Variants in FZD3 observed in about 807,000 individuals in gnomAD.
The protein encoded by FZD3 is frizzled class receptor 3, also known as frizzled-3.
In FZD3, 30 loss-of-function variants were observed where a neutral mutation model predicts 60.7. The observed-to-expected ratio is 0.49, with a 90% CI of 0.37 to 0.67. FZD3 has a LOEUF of 0.67. FZD3 is among the 30% of genes least tolerant of loss of function. The pLI, the probability that FZD3 is intolerant of heterozygous loss-of-function variation, is 0.00. For missense variants in FZD3, 605 were observed against 838.7 expected (o/e 0.72, Z 3.44); for synonymous variants, 246 against 275.2 (o/e 0.89, Z 1.05).
chr8:28,545,081 C>G (rs1199831813), intron 5 of FZD3, among the ~76,000 whole-genome samples: 6 of 152,136 alleles, frequency 3.9e-5, no homozygotes, highest in Non-Finnish European at 5.9e-5. Flanking sequence ...CTTAAAGGCC[C>G]CACCTCTCAA....
intron 4 of FZD3, among the ~76,000 whole-genome samples, chr8:28,522,621 T>C (rs1338231430): frequency 3.3e-5 from 5 of 152,198 alleles, no homozygotes; most frequent in African/African-American, 4.8e-5. Context: ...GGTGTCTTTT[T>C]ATTTTAATAG....
intron 3 of FZD3, among the ~76,000 whole-genome samples, chr8:28,511,889 G>A (rs1030250898): frequency 1.3e-5 from 2 of 152,130 alleles, no homozygotes; most frequent in African/African-American, 4.8e-5. Context: ...ACCCGACACA[G>A]AACCTCACAC....
rs1298267303 is a variant in FZD3 at position 28,570,638 on chromosome 8, GA to G, written c.*7639del. 0.024 allele frequency: 3,244 copies of G among 136,652 alleles called. 104 individuals carry two copies. The highest frequency in any genetic ancestry group is 0.081 in the African/African-American group (2,929 of 36,338). 8.5% of individuals were successfully genotyped at this position (136,652 alleles called of 1,614,324 possible). A position where few individuals can be genotyped will look rare whatever the true frequency, so the allele number is the denominator to read the frequency against. On this transcript the variant is annotated 3_prime_UTR_variant, in exon 8 of 8. Transcript: ENST00000240093. The stretch of plus-strand genomic sequence containing the variant: ...AGACTCTATCTCAAAAAAAAAAAAA[GA>G]AAAAAAAAAAAGTAGAGATTGCATT...
intron 5 of FZD3, among the ~76,000 whole-genome samples, chr8:28,546,085 G>T (rs1445533316): frequency 6.6e-6 from 1 of 152,202 alleles, no homozygotes; most frequent in Non-Finnish European, 1.5e-5. Context: ...TGTGTAGTGG[G>T]CTATACCATC....
chr8:28,513,505 C>T (rs1245172692), intron 3 of FZD3, among the ~76,000 whole-genome samples: 1 of 152,054 alleles, frequency 6.6e-6, no homozygotes, highest in Admixed American at 6.6e-5. Flanking sequence ...GAAAATAAAC[C>T]TATGGGATTA....
At chr8:28,525,212 A>T (rs1314591657) in intron 4 of FZD3, among the ~76,000 whole-genome samples, 1 of 152,174 alleles carries the variant, frequency 6.6e-6, no homozygotes, top group Non-Finnish European at 1.5e-5. Flanking sequence ...ACTATTCTAG[A>T]TGTCGAAGAT....
chr8:28,553,300 CACCAACT>C (rs1490139934), intron 6 of FZD3, among the ~76,000 whole-genome samples: 6 of 152,302 alleles, frequency 3.9e-5, no homozygotes, highest in Admixed American at 3.9e-4. Context: ...TACTATGTGC[CACCAACT>C]ACTTTTGGAT....
In FZD3 at chr8:28,546,577, A is replaced by T. The variant is rs190143385; in HGVS notation, c.1405-5026A>T. 2.0e-5 allele frequency among the ~76,000 whole-genome samples: 3 copies of T among 152,316 alleles called. No homozygotes were observed. In the East Asian group the frequency reaches 5.8e-4, roughly 29 times the overall value. On this transcript the variant is annotated intron_variant, in intron 5 of 7. Coordinates refer to ENST00000240093, the MANE Select transcript of FZD3 (RefSeq NM_017412.4). The stretch of plus-strand genomic sequence containing the variant: ...ATTGCTAGGTTATACCAATTTACCA[A>T]CAGTGAGGGTGTTTCCCAATGCCCC...
intron 5 of FZD3, among the ~76,000 whole-genome samples, chr8:28,535,287 TGTG>T (rs1040378130): frequency 6.6e-6 from 1 of 152,198 alleles, no homozygotes; most frequent in Non-Finnish European, 1.5e-5. Context: ...ACAGAAAAAT[TGTG>T]ATGATAACAC....
chr8:28,569,738 A>T lies in FZD3; in HGVS notation c.*6727A>T, dbSNP rs532083756. 1.3e-4 allele frequency: 20 copies of T among 152,336 alleles called. No homozygotes were observed. Among genetic ancestry groups the T allele is most frequent in the East Asian group, 7.7e-4 (4 of 5,192 alleles). 9.4% of individuals were successfully genotyped at this position (152,336 alleles called of 1,614,324 possible). On this transcript the variant is annotated 3_prime_UTR_variant, in exon 8 of 8. Transcript: ENST00000240093. ...TGAAAGAAAGTTATAAATATTGGAC[A>T]TGGCTTTTTTAAATGGGAAAGTCTT...
At chr8:28,502,541 A>T (rs1804023237) in intron 2 of FZD3, 129 bp from the exon 3 acceptor site, 1 of 152,284 alleles carries the variant, frequency 6.6e-6, no homozygotes, top group Non-Finnish European at 1.5e-5. Flanking sequence ...ATATCTTTAT[A>T]AAGTACCCAC....
At chr8:28,523,800 A>G (rs1563390738) in intron 4 of FZD3, among the ~76,000 whole-genome samples, 1 of 152,088 alleles carries the variant, frequency 6.6e-6, no homozygotes, top group Non-Finnish European at 1.5e-5. Context: ...TGTATTGGAA[A>G]CTTAATTCTC....
In FZD3 at chr8:28,562,924, C is replaced by T. The variant is rs1805641230; in HGVS notation, c.1914C>T (p.Ile638=). 1 of 1,613,008 alleles carries T rather than the reference C, an allele frequency of 6.2e-7. No homozygotes were observed. Among genetic ancestry groups the T allele is most frequent in the Non-Finnish European group, 8.5e-7 (1 of 1,179,104 alleles). The change falls in exon 8 of 8, where the codon ATC becomes ATT. Residue 638 remains isoleucine, a synonymous_variant. Transcript: ENST00000240093. ...RLNEQSRHSS[I]RDLSNNPMTH... Reference sequence around the variant, plus strand: ...ATGAACAGTCACGACATAGCAGCATCAGAGATCTCAGTAATAATCCCATGA... The same window carrying T: ...ATGAACAGTCACGACATAGCAGCATTAGAGATCTCAGTAATAATCCCATGA...
rs745487080 is a variant in FZD3, at chr8:28,503,136, T to C, written c.123T>C (p.Tyr41=). The part of the protein sequence containing the change: ...ITLRMCQDLP[Y]NTTFMPNLLN... ...TGAGGATGTGCCAAGATTTGCCTTA[T>C]AATACTACCTTCATGCCTAATCTTC... is the stretch of plus-strand genomic sequence containing the variant. The change falls in exon 3 of 8, where the codon TAT becomes TAC. Residue 41 remains tyrosine, a synonymous_variant. Transcript: ENST00000240093. The C allele has an allele frequency of 4.3e-6, 7 of 1,613,586 alleles. No individual in the cohort carries two copies. Among genetic ancestry groups the C allele is most frequent in the Admixed American group, 3.3e-5 (2 of 60,022 alleles).
chr8:28,542,633 T>C lies in FZD3; in HGVS notation c.1405-8970T>C, dbSNP rs370949532. Among the ~76,000 whole-genome samples the C allele has an allele frequency of 1.2e-4, 18 of 152,130 alleles. 1 individual carries two copies. In the East Asian group the frequency reaches 1.9e-3, roughly 16 times the overall value. Reference sequence around the variant, plus strand: ...AGCCTGGGCACAACAGAGTGAGACTTGGTCTCAAAAAATGAAATAAATAAA... The same window carrying C: ...AGCCTGGGCACAACAGAGTGAGACTCGGTCTCAAAAAATGAAATAAATAAA... On this transcript the variant is annotated intron_variant, in intron 5 of 7. Coordinates refer to ENST00000240093, the MANE Select transcript of FZD3 (RefSeq NM_017412.4).
In FZD3 at chr8:28,564,874, C is replaced by T. The variant is rs1805679646; in HGVS notation, c.*1863C>T. On this transcript the variant is annotated 3_prime_UTR_variant, in exon 8 of 8. Transcript: ENST00000240093. The stretch of plus-strand genomic sequence containing the variant: ...TGTAAATGAAGATAGAAGATAAATA[C>T]GTACTCTACCTACCTCACAAAGCTG... 1 of 152,104 alleles carries T rather than the reference C, an allele frequency of 6.6e-6. No homozygotes were observed. Among genetic ancestry groups the T allele is most frequent in the Admixed American group, 6.5e-5 (1 of 15,268 alleles). The allele number at this position is 152,104 out of a possible 1,614,324, so 9.4% of individuals were successfully genotyped here.
At chr8:28,515,155 A>G (rs555236704) in intron 3 of FZD3, among the ~76,000 whole-genome samples, 1 of 152,344 alleles carries the variant, frequency 6.6e-6, no homozygotes, top group East Asian at 1.9e-4. Flanking sequence ...AAATGAGATA[A>G]TATGTGTAAG....
chr8:28,536,136 A>G (rs187350654), intron 5 of FZD3, among the ~76,000 whole-genome samples: 200 of 152,348 alleles, frequency 1.3e-3, no homozygotes, highest in African/African-American at 4.6e-3. Flanking sequence ...TTACAAGTAC[A>G]TAATTCTTGA....
intron 3 of FZD3, among the ~76,000 whole-genome samples, chr8:28,513,848 G>A (rs1483441583): frequency 2.6e-5 from 4 of 152,126 alleles, no homozygotes; most frequent in African/African-American, 4.8e-5. Context: ...TCTGATTCTC[G>A]TGAGTCAAAT....
Sources: allele counts gnomAD v4.1 joint callset (sites outside exome capture counted in the v4.1 genomes callset), GRCh38; gene constraint gnomAD v4.1.1; transcripts MANE v1.5; gene names NCBI Gene and HGNC (gene_info 2026-07-23, HGNC 2026-07-21).